Variants in ST3GAL5 observed in about 807,000 individuals in gnomAD.
The protein encoded by ST3GAL5 is ST3 beta-galactoside alpha-2,3-sialyltransferase 5.
Under a neutral mutation model 46.1 loss-of-function variants are expected in ST3GAL5, and 25 were observed. That is an observed-to-expected ratio of 0.54 (90% confidence interval 0.40 to 0.76). The LOEUF (loss-of-function observed/expected upper bound fraction) is 0.76, where lower values mean the gene tolerates loss of function less well. ST3GAL5 is among the 30% of genes least tolerant of loss of function. The pLI is 0.00. For synonymous variants in ST3GAL5, 182 were observed against 192.7 expected (o/e 0.94, Z 0.46); for missense variants, 431 against 521.2 (o/e 0.83, Z 1.69).
chr2:85,848,579 A>T (rs1683108550), intron 3 of ST3GAL5: 4 of 413,196 alleles, frequency 9.7e-6, no homozygotes, highest in Non-Finnish European at 1.8e-5. Context: ...TTAAACTTTG[A>T]GGACATTATG....
chr2:85,851,322 G>A (rs41291145), intron 3 of ST3GAL5: 17,413 of 1,164,832 alleles, frequency 0.015, 151 homozygotes, highest in Non-Finnish European at 0.017. Context: ...TAAATCCTGA[G>A]TGAGTTTCTA....
intron 1 of ST3GAL5, among the ~76,000 whole-genome samples, chr2:85,871,953 A>C (rs1232261632): frequency 6.6e-6 from 1 of 152,220 alleles, no homozygotes; most frequent in Non-Finnish European, 1.5e-5. Context: ...TAATATGGCC[A>C]GCAGAGCACA....
chr2:85,883,410 G>A (rs1402808400), intron 1 of ST3GAL5, among the ~76,000 whole-genome samples: 1 of 152,210 alleles, frequency 6.6e-6, no homozygotes, highest in South Asian at 2.1e-4. Flanking sequence ...CCCCAGCCAC[G>A]TGGAACTGTA....
chr2:85,885,422 C>G (rs941581709), intron 1 of ST3GAL5, among the ~76,000 whole-genome samples: 2 of 152,214 alleles, frequency 1.3e-5, no homozygotes, highest in African/African-American at 2.4e-5. Context: ...CCATACACAG[C>G]CAGGTAGAAA....
chr2:85,839,736 C>G lies in ST3GAL5; in HGVS notation c.*408G>C. On this transcript the variant is annotated 3_prime_UTR_variant, in exon 7 of 7. Transcript: ENST00000638572. ...CCGTGGGTCACACCAAGCAGCGCAG[C>G]AGGGAACCAGAATGAGGTTCAGGGC... 3.1e-6 allele frequency: 1 copy of G among 323,046 alleles called. No individual in the cohort carries two copies. Among genetic ancestry groups the G allele is most frequent in the Non-Finnish European group, 6.0e-6 (1 of 166,906 alleles). The allele number at this position is 323,046 out of a possible 1,614,324, so 20.0% of individuals were successfully genotyped here. A position where few individuals can be genotyped will look rare whatever the true frequency, so the allele number is the denominator to read the frequency against.
intron 3 of ST3GAL5, chr2:85,856,237 A>G (rs1684096257): frequency 6.6e-6 from 1 of 152,242 alleles, no homozygotes; most frequent in African/African-American, 2.4e-5. Flanking sequence ...ATATCCATAC[A>G]ATGAGGTATT....
At chr2:85,842,908 G>A (rs1348760822) in intron 6 of ST3GAL5, among the ~76,000 whole-genome samples, 4 of 151,888 alleles carry the variant, frequency 2.6e-5, no homozygotes, top group African/African-American at 9.7e-5. Flanking sequence ...TTACAGGCAC[G>A]CGCCACCACG....
intron 5 of ST3GAL5, 85 bp from the exon 6 acceptor site, chr2:85,844,639 T>C: frequency 5.1e-6 from 8 of 1,569,136 alleles, no homozygotes; most frequent in Non-Finnish European, 7.0e-6. Context: ...AGGCTGTGGG[T>C]GTGACCCCAT....
chr2:85,850,275 C>T (rs1484927745), intron 3 of ST3GAL5: 1 of 152,250 alleles, frequency 6.6e-6, no homozygotes, highest in Non-Finnish European at 1.5e-5. Context: ...ACTATGGCAC[C>T]TTGCAAGACG....
At chr2:85,846,281 G>A (rs753760726) in intron 5 of ST3GAL5, 96 bp downstream of exon 5, 203 of 1,114,772 alleles carry the variant, frequency 1.8e-4, no homozygotes, top group Non-Finnish European at 2.6e-4. Flanking sequence ...TATGCATTCC[G>A]CTCTGCGTGT....
At chr2:85,875,216 C>T (rs940599607) in intron 1 of ST3GAL5, among the ~76,000 whole-genome samples, 1 of 152,020 alleles carries the variant, frequency 6.6e-6, no homozygotes, top group African/African-American at 2.4e-5. Context: ...TACCACCACA[C>T]CCGGCTACAT....
At chr2:85,887,852 C>G (rs566196225) in intron 1 of ST3GAL5, 8 of 152,350 alleles carry the variant, frequency 5.3e-5, no homozygotes, top group African/African-American at 1.9e-4. Flanking sequence ...TGACACCCAG[C>G]ACGGCCCTGC....
chr2:85,888,650 G>T (rs979926713), intron 1 of ST3GAL5, 174 bp downstream of exon 1: 4 of 381,106 alleles, frequency 1.0e-5, no homozygotes, highest in Admixed American at 5.2e-5. Flanking sequence ...CCGGGACCAC[G>T]ACCCTCCGCC....
At chr2:85,873,987 C>T (rs188078038) in intron 1 of ST3GAL5, among the ~76,000 whole-genome samples, 46 of 152,198 alleles carry the variant, frequency 3.0e-4, no homozygotes, top group Non-Finnish European at 4.4e-4. Flanking sequence ...GGAGGAAAGC[C>T]GTGTAATTAA....
At chr2:85,876,536 G>A (rs1289096338) in intron 1 of ST3GAL5, among the ~76,000 whole-genome samples, 19 of 146,798 alleles carry the variant, frequency 1.3e-4, no homozygotes, top group Admixed American at 1.2e-3. Context: ...TGATCTCGGC[G>A]CCGCAACCTC....
At chr2:85,841,909 G>A (rs1682159369) in intron 6 of ST3GAL5, among the ~76,000 whole-genome samples, 2 of 152,150 alleles carry the variant, frequency 1.3e-5, no homozygotes, top group Non-Finnish European at 2.9e-5. Context: ...CCTCCTCAAA[G>A]GCTGCCACCA....
At chr2:85,848,275 A>C in intron 3 of ST3GAL5, 71 bp from the exon 4 acceptor site, 2 of 1,612,470 alleles carry the variant, frequency 1.2e-6, no homozygotes, top group Non-Finnish European at 1.7e-6. Flanking sequence ...TCTAGATGAC[A>C]ATTTGTCCTA....
chr2:85,851,370 G>A (rs1057148827), intron 3 of ST3GAL5: 2 of 1,179,516 alleles, frequency 1.7e-6, no homozygotes, highest in Non-Finnish European at 1.1e-6. Context: ...GCAATTCCTT[G>A]TCCTCTTTTG....
chr2:85,876,425 T>A lies in ST3GAL5; in HGVS notation c.82+12399A>T, dbSNP rs555363718. 1.8e-4 allele frequency among the ~76,000 whole-genome samples: 27 copies of A among 151,636 alleles called. No individual in the cohort carries two copies. The South Asian group carries it at 5.0e-3, about 28-fold the overall frequency. ...GGTTCAGCAAAGCCACACTGTTAAG[T>A]GTTCCTCCACCCTGTTTTCTTTTCT... On this transcript the variant is annotated intron_variant, in intron 1 of 6. Transcript: ENST00000638572.
Sources: allele counts gnomAD v4.1 joint callset (sites outside exome capture counted in the v4.1 genomes callset), GRCh38; gene constraint gnomAD v4.1.1; transcripts MANE v1.5; gene names NCBI Gene and HGNC (gene_info 2026-07-23, HGNC 2026-07-21).